The following JMJD1C variants were observed in gnomAD, a reference collection of about 807,000 sequenced individuals.
The protein encoded by JMJD1C is jumonji domain containing 1C.
JMJD1C carries 31 observed loss-of-function variants against 245.3 expected under a neutral mutation model. The observed-to-expected ratio is 0.13, with a 90% confidence interval of 0.09 to 0.17. JMJD1C has a LOEUF of 0.17. Ranked by LOEUF, JMJD1C falls within the 10% of genes least tolerant of loss-of-function variation. The pLI is 1.00. For missense variants in JMJD1C, 2,691 were observed against 3,000.2 expected (o/e 0.90, Z 2.41); for synonymous variants, 1,057 against 1,017.4 (o/e 1.04, Z -0.74).
intron 3 of JMJD1C, among the ~76,000 whole-genome samples, chr10:63,244,982 C>T (rs1851989146): frequency 6.6e-6 from 1 of 151,552 alleles, no homozygotes; most frequent in African/African-American, 2.4e-5. Context: ...ACTAAAAATA[C>T]AAAAAGTAGC....
chr10:63,337,502 AGAGAAGGGAG>A (rs796948520), intron 2 of JMJD1C, among the ~76,000 whole-genome samples: 1 of 70,712 alleles, frequency 1.4e-5, no homozygotes, highest in South Asian at 8.1e-4. Context: ...AGAAGAGAAA[AGAGAAGGGAG>A]GAGAAGGGAG....
At chr10:63,323,419 G>A (rs1241648736) in intron 2 of JMJD1C, among the ~76,000 whole-genome samples, 1 of 114,214 alleles carries the variant, frequency 8.8e-6, no homozygotes, top group East Asian at 2.5e-4. Context: ...ACTCGGGAGG[G>A]TGAGGCAGAA....
At chr10:63,391,577 A>G (rs924293711) in intron 1 of JMJD1C, among the ~76,000 whole-genome samples, 1 of 152,132 alleles carries the variant, frequency 6.6e-6, no homozygotes, top group African/African-American at 2.4e-5. Context: ...TAAAGAAAAA[A>G]CATCCATGAA....
chr10:63,329,991 C>T (rs1941967869), intron 2 of JMJD1C, among the ~76,000 whole-genome samples: 1 of 152,244 alleles, frequency 6.6e-6, no homozygotes, highest in South Asian at 2.1e-4. Context: ...ACCTCCGCCT[C>T]CTGGGTTCAA....
chr10:63,222,961 A>G lies in JMJD1C; in HGVS notation c.448-2978T>C. 3 of 1,473,632 alleles carry G rather than the reference A, an allele frequency of 2.0e-6. No individual in the cohort carries two copies. In the South Asian group the frequency reaches 3.4e-5, roughly 17 times the overall value. The allele number at this position is 1,473,632 out of a possible 1,614,324, so 91.3% of individuals were successfully genotyped here. A position where few individuals can be genotyped will look rare whatever the true frequency, so the allele number is the denominator to read the frequency against. ...GCCATATAATTCAAATATTGGAGAT[A>G]ATGTCAGCAGTGAGAGACGAGGATC... is the stretch of plus-strand genomic sequence containing the variant. On this transcript the variant is annotated intron_variant, in intron 3 of 25. Transcript: ENST00000399262.
intron 2 of JMJD1C, among the ~76,000 whole-genome samples, chr10:63,360,781 T>C (rs1047477351): frequency 5.3e-5 from 8 of 151,800 alleles, no homozygotes; most frequent in African/African-American, 1.9e-4. Context: ...ATTTTAAAAG[T>C]ATAGTTTCTT....
chr10:63,186,816 TAAAC>T (rs1844184307), intron 18 of JMJD1C, among the ~76,000 whole-genome samples: 1 of 152,232 alleles, frequency 6.6e-6, no homozygotes, highest in Admixed American at 6.5e-5. Context: ...TCTCAGGTTT[TAAAC>T]AAATTCCTGT....
chr10:63,264,841 C>G, intron 2 of JMJD1C, 77 bp from the exon 3 acceptor site: 4 of 682,230 alleles, frequency 5.9e-6, no homozygotes, highest in Non-Finnish European at 1.0e-5. Context: ...CACACCAATA[C>G]AATGTATCAA....
chr10:63,178,740 T>C (rs1448581991), intron 22 of JMJD1C, among the ~76,000 whole-genome samples: 1 of 152,168 alleles, frequency 6.6e-6, no homozygotes, highest in Non-Finnish European at 1.5e-5. Context: ...CCTTCTAAAA[T>C]GTTGACAAAC....
intron 2 of JMJD1C, among the ~76,000 whole-genome samples, chr10:63,355,435 A>G (rs1944751286): frequency 6.6e-6 from 1 of 152,242 alleles, no homozygotes. Context: ...GTGCAGATTC[A>G]TTTAACATCA....
intron 10 of JMJD1C, chr10:63,204,404 G>A: frequency 1.0e-6 from 1 of 985,014 alleles, no homozygotes; most frequent in Non-Finnish European, 1.2e-6. Context: ...AAGATGAAAA[G>A]AGAATACGTA....
chr10:63,362,365 G>A (rs971506890), intron 2 of JMJD1C, among the ~76,000 whole-genome samples: 2 of 151,824 alleles, frequency 1.3e-5, no homozygotes, highest in Non-Finnish European at 2.9e-5. Context: ...CAGGTATTCA[G>A]CCTCTACTGA....
intron 2 of JMJD1C, among the ~76,000 whole-genome samples, chr10:63,324,569 G>C (rs1941304390): frequency 2.6e-5 from 4 of 152,114 alleles, no homozygotes; most frequent in Non-Finnish European, 4.4e-5. Context: ...GAATTAAACA[G>C]ATTCCTTCAT....
intron 2 of JMJD1C, among the ~76,000 whole-genome samples, chr10:63,335,832 AC>A (rs1942669391): frequency 6.6e-6 from 1 of 152,066 alleles, no homozygotes; most frequent in South Asian, 2.1e-4. Context: ...TAAAAAAAAA[AC>A]ACTTTGGCTG....
chr10:63,439,331 T>C (rs1365588890), intron 1 of JMJD1C, among the ~76,000 whole-genome samples: 1 of 152,196 alleles, frequency 6.6e-6, no homozygotes, highest in African/African-American at 2.4e-5. Flanking sequence ...TATTATTTTT[T>C]AACAGCCACA....
At chr10:63,474,816 T>C (rs1464364923) in intron 1 of JMJD1C, among the ~76,000 whole-genome samples, 1 of 151,584 alleles carries the variant, frequency 6.6e-6, no homozygotes, top group Non-Finnish European at 1.5e-5. Context: ...GGGTCAAAAG[T>C]TCCAAATTAT....
At chr10:63,356,022 C>T (rs910060008) in intron 2 of JMJD1C, among the ~76,000 whole-genome samples, 3 of 151,996 alleles carry the variant, frequency 2.0e-5, no homozygotes, top group Admixed American at 2.0e-4. Flanking sequence ...TTCTTGTAGT[C>T]CAATGTGAGG....
intron 1 of JMJD1C, among the ~76,000 whole-genome samples, chr10:63,453,667 T>C (rs1952212982): frequency 1.3e-5 from 2 of 152,208 alleles, no homozygotes; most frequent in South Asian, 2.1e-4. Flanking sequence ...TACAGAATAA[T>C]GTACTATAAG....
At chr10:63,510,797 C>A (rs960079275) in intron 1 of JMJD1C, among the ~76,000 whole-genome samples, 3 of 152,094 alleles carry the variant, frequency 2.0e-5, no homozygotes, top group African/African-American at 7.2e-5. Context: ...GTTAAAGTGT[C>A]CAATTATAAT....
Sources: gnomAD v4.1 joint callset for allele counts (sites outside exome capture counted in the v4.1 genomes callset) on GRCh38, gnomAD v4.1.1 for gene constraint, MANE v1.5 for transcripts, NCBI Gene and HGNC (gene_info 2026-07-23, HGNC 2026-07-21) for gene names.